The following ADCK5 variants were observed in gnomAD, a reference collection of about 807,000 sequenced individuals.
ADCK5 encodes uncharacterized aarF domain-containing protein kinase 5.
In ADCK5, 43 loss-of-function variants were observed where a neutral mutation model predicts 64.9. The ratio of observed to expected loss-of-function variants is 0.66; its 90% confidence interval spans 0.52 to 0.85. The LOEUF is 0.85. Ranked by LOEUF, ADCK5 falls within the 40% of genes least tolerant of loss-of-function variation. The probability of loss-of-function intolerance (pLI) is 0.00; values close to 1 mark genes in which losing one functional copy is unlikely to be tolerated. For synonymous variants in ADCK5, 434 were observed against 342.8 expected, an observed-to-expected ratio of 1.27 and a Z score of -2.94; for missense variants, 760 against 810.5, an observed-to-expected ratio of 0.94 and a Z score of 0.76.
Position 144,381,621 on chromosome 8 carries a change from G to A in ADCK5, c.117-1460G>A, listed in dbSNP as rs1168663370. 5.8e-3 allele frequency among the ~76,000 whole-genome samples: 849 copies of A among 145,640 alleles called. 1 individual carries two copies. Among genetic ancestry groups the A allele is most frequent in the African/African-American group, 0.021 (813 of 38,702 alleles). On this transcript the variant is annotated intron_variant, in intron 2 of 14. Coordinates refer to ENST00000308860, the MANE Select transcript of ADCK5 (RefSeq NM_174922.5). Reference sequence around the variant, plus strand: ...ACAGATGTGTGCTCAGGCACCTCCCGCAGTCAGGATTATGGGCCGGGTGTA... The same window carrying A: ...ACAGATGTGTGCTCAGGCACCTCCCACAGTCAGGATTATGGGCCGGGTGTA...
chr8:144,383,250 G>A lies in ADCK5; in HGVS notation c.266+20G>A, dbSNP rs1819760136. The stretch of plus-strand genomic sequence containing the variant: ...TGGCAGGTAGGAGGGCCTGGCGGCA[G>A]GCAGGGGTTGCGGCGTGGCGGGCGG... On this transcript the variant is annotated intron_variant, in intron 3 of 14. Transcript: ENST00000308860. 5 of 1,550,734 alleles carry A rather than the reference G, an allele frequency of 3.2e-6. No homozygotes were observed. The highest frequency in any genetic ancestry group is 4.4e-6 in the Non-Finnish European group (5 of 1,147,208).
intron 1 of ADCK5, among the ~76,000 whole-genome samples, chr8:144,375,098 A>G (rs1246182015): frequency 6.6e-6 from 1 of 152,228 alleles, no homozygotes; most frequent in Non-Finnish European, 1.5e-5. Context: ...AGGGTGCTTC[A>G]TGGGCCGGGG....
In ADCK5 at chr8:144,374,715, G is replaced by T. The variant is rs986207789; in HGVS notation, c.12+608G>T. ...CTCGCCTCCCCGCCGGGCCTGCCCT[G>T]CCCTGAGGCGGCGGGCGGGCGGGGG... On this transcript the variant is annotated intron_variant, in intron 1 of 14. Coordinates refer to ENST00000308860, the MANE Select transcript of ADCK5 (RefSeq NM_174922.5). Among the ~76,000 whole-genome samples, 13 of 152,250 alleles carry T rather than the reference G, an allele frequency of 8.5e-5. No individual in the cohort carries two copies. In the East Asian group the frequency reaches 2.3e-3, roughly 27 times the overall value.
rs1554861369 is a variant in ADCK5, at chr8:144,392,578, G to A, written c.1401G>A (p.Met467Ile). 16 of 1,576,830 alleles carry A rather than the reference G, an allele frequency of 1.0e-5. No individual in the cohort carries two copies. Among genetic ancestry groups the A allele is most frequent in the Non-Finnish European group, 8.6e-7 (1 of 1,166,712 alleles). Reference sequence around the variant, plus strand: ...CCCGCGAGCGCTTCGAGGCCGTCATGGCGGTGCTCAGGGAGCTGCCGCGGC... The same window carrying A: ...CCCGCGAGCGCTTCGAGGCCGTCATAGCGGTGCTCAGGGAGCTGCCGCGGC... ...DMARERFEAVMAVLRELPRPM... is the reference protein window; with the variant it reads ...DMARERFEAVIAVLRELPRPM... Residue 467 changes from methionine to isoleucine, a missense_variant, in exon 13 of 15, where the codon ATG becomes ATA. Around this residue, in one of 2 missense-constraint regions of ADCK5, gnomAD observed 333 missense variants for 292.0 expected, o/e 1.14. Coordinates refer to ENST00000308860, the MANE Select transcript of ADCK5 (RefSeq NM_174922.5).
chr8:144,390,956 T>C lies in ADCK5; in HGVS notation c.443T>C (p.Leu148Pro), dbSNP rs1554860325. Residue 148 changes from leucine to proline, a missense_variant, in exon 5 of 15, where the codon CTG (leucine) becomes CCG (proline). By Grantham distance (98) the Leu-to-Pro change is moderately conservative (BLOSUM62 -3). Transcript: ENST00000308860. ...AISNGGLYVK[L>P]GQGLCSFNHL... ...AGCAACGGGGGCCTCTACGTGAAGC[T>C]GGGCCAGGGGCTGTGCTCCTTCAAC... 6.2e-7 allele frequency: 1 copy of C among 1,613,046 alleles called. No homozygotes were observed. Among genetic ancestry groups the C allele is most frequent in the Admixed American group, 1.7e-5 (1 of 60,024 alleles).
At chr8:144,381,240 G>A (rs1459661223) in intron 2 of ADCK5, among the ~76,000 whole-genome samples, 1 of 100,894 alleles carries the variant, frequency 9.9e-6, no homozygotes, top group Non-Finnish European at 2.1e-5. Context: ...TCAGGCACCT[G>A]CCGCACTCAG....
intron 2 of ADCK5, among the ~76,000 whole-genome samples, chr8:144,381,423 CA>C (rs1819631864): frequency 8.5e-6 from 1 of 117,456 alleles, no homozygotes; most frequent in African/African-American, 3.4e-5. Context: ...GATTATGGGC[CA>C]GGTGTAGAAA....
rs782376364 is a variant in ADCK5, at chr8:144,391,425, G to T, written c.749G>T (p.Arg250Leu). The change falls in exon 7 of 15, where the codon CGG becomes CTG. Residue 250 changes from arginine (R) to leucine (L), a missense_variant. Transcript: ENST00000308860. ...GDIHTLELLLRLVEVMHPSFG... is the reference protein window; with the variant it reads ...GDIHTLELLLLLVEVMHPSFG... ...ATCCACACCCTGGAGCTCCTGCTGC[G>T]GCTCGTTGAGGTCATGCACCCCAGC... The T allele has an allele frequency of 6.2e-7, 1 of 1,612,804 alleles. No individual in the cohort carries two copies. Among genetic ancestry groups the T allele is most frequent in the Non-Finnish European group, 8.5e-7 (1 of 1,179,970 alleles).
intron 1 of ADCK5, chr8:144,377,565 GTCTTAATC>G (rs1554857381): frequency 1.3e-5 from 2 of 152,204 alleles, no homozygotes; most frequent in African/African-American, 4.8e-5. Context: ...GGCCAGGATG[GTCTTAATC>G]TCCTGACCTC....
chr8:144,374,121 C>T lies in ADCK5; in HGVS notation c.12+14C>T. ...ATGTGGCGACCGGTGAGGACTCTCCCGGCCCGGGGCGCCCGAGATCCTGCA... is the reference window on the plus strand; with the variant it reads ...ATGTGGCGACCGGTGAGGACTCTCCTGGCCCGGGGCGCCCGAGATCCTGCA... On this transcript the variant is annotated intron_variant, in intron 1 of 14. Coordinates refer to ENST00000308860, the MANE Select transcript of ADCK5 (RefSeq NM_174922.5). 8.0e-7 allele frequency: 1 copy of T among 1,248,498 alleles called. No individual in the cohort carries two copies. The highest frequency in any genetic ancestry group is 1.0e-6 in the Non-Finnish European group (1 of 988,862). 77.3% of individuals were successfully genotyped at this position (1,248,498 alleles called of 1,614,324 possible).
At chr8:144,379,113 A>G (rs1819492541) in intron 1 of ADCK5, among the ~76,000 whole-genome samples, 1 of 151,962 alleles carries the variant, frequency 6.6e-6, no homozygotes, top group Non-Finnish European at 1.5e-5. Flanking sequence ...TTGTATTTTT[A>G]GTAGAGACGG....
In ADCK5 at chr8:144,392,644, T is replaced by TATCA. The variant is rs1564678820; in HGVS notation, c.1469_1472dup (p.Val492GlnfsTer16). ...TGCGCAACATCAACACCGTGCGCGC[T>TATCA]ATCAACGTGGCCCTCGGCGCCCCCG... On this transcript the variant is annotated frameshift_variant, in exon 13 of 15. Coordinates refer to ENST00000308860, the MANE Select transcript of ADCK5 (RefSeq NM_174922.5). LOFTEE classifies it high-confidence loss of function. The TATCA allele has an allele frequency of 6.3e-7, 1 of 1,594,444 alleles. No individual in the cohort carries two copies. Among genetic ancestry groups the TATCA allele is most frequent in the Non-Finnish European group, 8.5e-7 (1 of 1,172,732 alleles).
chr8:144,382,909 G>A (rs1554858565), intron 2 of ADCK5, among the ~76,000 whole-genome samples, 172 bp from the exon 3 acceptor site: 1 of 152,248 alleles, frequency 6.6e-6, no homozygotes, highest in African/African-American at 2.4e-5. Context: ...GGGGCATCTG[G>A]TGCAGGGGCT....
rs782744529 is a variant in ADCK5, at chr8:144,383,179, G to T, written c.215G>T (p.Arg72Leu). ...LGARYVMAEA[R>L]EKRRMRLVVD... ...GCCCGCTATGTCATGGCAGAGGCAC[G>T]GGAGAAGAGGAGGATGCGGCTCGTG... Residue 72 changes from arginine (R) to leucine (L), a missense_variant, in exon 3 of 15, where the codon CGG becomes CTG. Physicochemically the swap from Arg to Leu is moderately radical, Grantham distance 102 (BLOSUM62 -2). Around this residue, in one of 2 missense-constraint regions of ADCK5, gnomAD observed 427 missense variants for 518.4 expected, o/e 0.82. Coordinates refer to ENST00000308860, the MANE Select transcript of ADCK5 (RefSeq NM_174922.5). 1 of 1,601,390 alleles carries T rather than the reference G, an allele frequency of 6.2e-7. No homozygotes were observed.
Position 144,391,161 on chromosome 8 carries a change from C to G in ADCK5, c.571C>G (p.Gln191Glu). 4 of 1,611,710 alleles carry G rather than the reference C, an allele frequency of 2.5e-6. No homozygotes were observed. The East Asian group carries it at 8.9e-5, about 36-fold the overall frequency. ...EVDELFLEDF[Q>E]ALPHELFQEF... ...GGATGAGTTGTTCCTTGAGGACTTC[C>G]AGGCCCTCCCCCACGAGCTCTTCCA... The change falls in exon 6 of 15, where the codon CAG becomes GAG. Residue 191 changes from glutamine to glutamate, a missense_variant. Physicochemically the swap from Gln to Glu is conservative, Grantham distance 29. Around this residue, in one of 2 missense-constraint regions of ADCK5, gnomAD observed 427 missense variants for 518.4 expected, o/e 0.82. Transcript: ENST00000308860.
At chr8:144,374,163 C>T in intron 1 of ADCK5, 56 bp downstream of exon 1, 1 of 1,245,852 alleles carries the variant, frequency 8.0e-7, no homozygotes, top group East Asian at 3.1e-5. Flanking sequence ...CCCCAGAGAC[C>T]CGAGACCCGC....
At chr8:144,391,758 G>A (rs782636582) in intron 8 of ADCK5, 25 bp from the exon 9 acceptor site, 4 of 1,540,192 alleles carry the variant, frequency 2.6e-6, no homozygotes, top group African/African-American at 1.4e-5. Context: ...TGGGCCTGCT[G>A]AGCCCAGCCT....
intron 3 of ADCK5, among the ~76,000 whole-genome samples, chr8:144,386,619 A>G (rs1196298519): frequency 6.6e-6 from 1 of 152,174 alleles, no homozygotes; most frequent in Non-Finnish European, 1.5e-5. Flanking sequence ...CGGACTCCCA[A>G]AGTGCTGGGA....
intron 3 of ADCK5, among the ~76,000 whole-genome samples, chr8:144,387,510 C>T (rs1054308243): frequency 6.6e-6 from 1 of 151,816 alleles, no homozygotes; most frequent in Admixed American, 6.6e-5. Context: ...AAGCAATTCT[C>T]CCAGCCCCAG....
Sources: allele counts gnomAD v4.1 joint callset (sites outside exome capture counted in the v4.1 genomes callset), GRCh38; gene constraint gnomAD v4.1.1; regional missense constraint gnomAD v4.1.1; transcripts MANE v1.5; gene names NCBI Gene and HGNC (gene_info 2026-07-23, HGNC 2026-07-21).